DIP2C: variants seen among roughly 807,000 people sequenced by gnomAD.
DIP2C encodes the protein disco-interacting protein 2 homolog C.
In DIP2C, 33 loss-of-function variants were observed where a neutral mutation model predicts 192.4. The observed-to-expected ratio is 0.17, with a 90% CI of 0.13 to 0.23. DIP2C has a LOEUF of 0.23. DIP2C is among the 10% of genes least tolerant of loss of function. DIP2C has a pLI of 1.00. For synonymous variants in DIP2C, 979 were observed against 864.1 expected (o/e 1.13, Z -2.33); for missense variants, 1,537 against 2,110.1 (o/e 0.73, Z 5.32).
In DIP2C at chr10:660,926, C is replaced by T. The variant is rs375995433; in HGVS notation, c.85+28568G>A. 7.4e-4 allele frequency among the ~76,000 whole-genome samples: 112 copies of T among 152,274 alleles called. No homozygotes were observed. In the Middle Eastern group the frequency reaches 0.01, roughly 14 times the overall value. ...TAGCACATCACAAAAATACAGAGCTCCAAATGCCGTAACACAAGTGCTAAC... is the reference window on the plus strand; with the variant it reads ...TAGCACATCACAAAAATACAGAGCTTCAAATGCCGTAACACAAGTGCTAAC... On this transcript the variant is annotated intron_variant, in intron 1 of 36. Coordinates refer to ENST00000280886, the MANE Select transcript of DIP2C (RefSeq NM_014974.3).
intron 31 of DIP2C, among the ~76,000 whole-genome samples, chr10:325,585 C>G (rs1215139903): frequency 6.6e-6 from 1 of 152,188 alleles, no homozygotes; most frequent in Non-Finnish European, 1.5e-5. Flanking sequence ...CACACTATTG[C>G]TGAACTTAAG....
chr10:588,513 G>A lies in DIP2C; in HGVS notation c.85+100981C>T, dbSNP rs183367416. On this transcript the variant is annotated intron_variant, in intron 1 of 36. Coordinates refer to ENST00000280886, the MANE Select transcript of DIP2C (RefSeq NM_014974.3). ...GGAAAGTTCAACCGAATCTGAGGTC[G>A]CAGCTGCCTGCGGCTTGGGTCCCTG... Among the ~76,000 whole-genome samples, 516 of 152,356 alleles carry A rather than the reference G, an allele frequency of 3.4e-3. 9 individuals are homozygous for A. Among genetic ancestry groups the A allele is most frequent in the East Asian group, 0.019 (96 of 5,188 alleles).
chr10:334,288 C>T (rs1957641894), intron 29 of DIP2C, among the ~76,000 whole-genome samples: 1 of 99,134 alleles, frequency 1.0e-5, no homozygotes, highest in African/African-American at 4.1e-5. Context: ...GCCCGGGTGA[C>T]AGAGCAAGAC....
At chr10:450,625 C>G (rs1460339065) in intron 3 of DIP2C, among the ~76,000 whole-genome samples, 2 of 152,198 alleles carry the variant, frequency 1.3e-5, no homozygotes, top group Non-Finnish European at 2.9e-5. Flanking sequence ...GCAAGAGAGA[C>G]AGAGCTCCAC....
intron 1 of DIP2C, among the ~76,000 whole-genome samples, chr10:495,133 C>T (rs545769367): frequency 2.0e-5 from 3 of 152,118 alleles, no homozygotes; most frequent in Admixed American, 2.0e-4. Flanking sequence ...CACAGAAATA[C>T]AAATACTGCA....
In DIP2C at chr10:382,697, G is replaced by A. The variant is rs774439204; in HGVS notation, c.1941C>T (p.Val647=). The change falls in exon 17 of 37, where the codon GTC becomes GTT. Residue 647 remains valine, a synonymous_variant. Transcript: ENST00000280886. Reference sequence around the variant, plus strand: ...CTGGCGAGCTGGCACAAGGACAGATGACCTCCTGTCGAAGGCCTTTACTTT... The same window carrying A: ...CTGGCGAGCTGGCACAAGGACAGATAACCTCCTGTCGAAGGCCTTTACTTT... ...VFQSKGLRQE[V]ICPCASSPEA... The A allele has an allele frequency of 6.2e-7, 1 of 1,614,000 alleles. No individual in the cohort carries two copies. Among genetic ancestry groups the A allele is most frequent in the Non-Finnish European group, 8.5e-7 (1 of 1,179,968 alleles).
chr10:609,551 ATG>A (rs1491470677), intron 1 of DIP2C, among the ~76,000 whole-genome samples: 22 of 152,224 alleles, frequency 1.4e-4, no homozygotes, highest in African/African-American at 4.3e-4. Context: ...TTAAAAAACA[ATG>A]TAAGTCATCT....
intron 26 of DIP2C, 121 bp from the exon 27 acceptor site, chr10:345,231 G>T (rs893103626): frequency 3.0e-6 from 3 of 1,001,878 alleles, no homozygotes; most frequent in African/African-American, 1.6e-5. Context: ...GGGCAGATGA[G>T]GTTACCGAGC....
At chr10:654,200 G>A (rs1856135026) in intron 1 of DIP2C, among the ~76,000 whole-genome samples, 1 of 152,196 alleles carries the variant, frequency 6.6e-6, no homozygotes, top group Non-Finnish European at 1.5e-5. Flanking sequence ...TGGTAGTGAC[G>A]CTTTCATTCT....
Position 662,697 on chromosome 10 carries a change from G to A in DIP2C, c.85+26797C>T, listed in dbSNP as rs1856833214. ...TTAAAATTGTTATCAAATTAGGTATGGGCAGAAAATATATACAATGTTTGA... is the reference window on the plus strand; with the variant it reads ...TTAAAATTGTTATCAAATTAGGTATAGGCAGAAAATATATACAATGTTTGA... On this transcript the variant is annotated intron_variant, in intron 1 of 36. Coordinates refer to ENST00000280886, the MANE Select transcript of DIP2C (RefSeq NM_014974.3). The A allele has an allele frequency of 5.4e-6, 3 of 556,758 alleles. No homozygotes were observed. In the African/African-American group the frequency reaches 5.7e-5, roughly 11 times the overall value. 34.5% of individuals were successfully genotyped at this position (556,758 alleles called of 1,614,324 possible).
rs1215056306 is a variant in DIP2C at position 390,283 on chromosome 10, T to A, written c.1475A>T (p.Asn492Ile). 1.2e-6 allele frequency: 2 copies of A among 1,613,826 alleles called. No homozygotes were observed. The highest frequency in any genetic ancestry group is 1.7e-6 in the Non-Finnish European group (2 of 1,180,000). ...DWFPHIKDAN[N>I]DTAYIEYKTC... ...ACTCACCTCAATATACGCAGTGTCG[T>A]TATTGGCATCTTTAATGTGTGGGAA... The change falls in exon 12 of 37, where the codon AAC becomes ATC. Residue 492 changes from asparagine (N) to isoleucine (I), a missense_variant. Coordinates refer to ENST00000280886, the MANE Select transcript of DIP2C (RefSeq NM_014974.3).
intron 29 of DIP2C, among the ~76,000 whole-genome samples, chr10:340,109 A>C (rs930855368): frequency 1.3e-5 from 2 of 151,988 alleles, no homozygotes; most frequent in African/African-American, 2.4e-5. Context: ...GGAACCCAGG[A>C]GGCAGAGGTT....
At chr10:317,184 G>A (rs533933889) in intron 31 of DIP2C, among the ~76,000 whole-genome samples, 48 of 152,356 alleles carry the variant, frequency 3.2e-4, no homozygotes, top group African/African-American at 9.4e-4. Context: ...GTGACAAACT[G>A]TCAGGAAATG....
At chr10:417,708 TCA>T (rs1564684925) in intron 6 of DIP2C, among the ~76,000 whole-genome samples, 4 of 86,040 alleles carry the variant, frequency 4.6e-5, no homozygotes, top group Non-Finnish European at 2.4e-5. Flanking sequence ...GCCTGTCGGC[TCA>T]AATAGGCCTC....
chr10:631,989 CA>C (rs1308472495), intron 1 of DIP2C, among the ~76,000 whole-genome samples: 1 of 152,162 alleles, frequency 6.6e-6, no homozygotes, highest in African/African-American at 2.4e-5. Context: ...TAAGCGTAAT[CA>C]AAGATTACTT....
At chr10:344,627 T>C (rs901033566) in intron 28 of DIP2C, among the ~76,000 whole-genome samples, 182 bp downstream of exon 28, 5 of 152,304 alleles carry the variant, frequency 3.3e-5, no homozygotes, top group African/African-American at 1.2e-4. Context: ...ACAGAATCAG[T>C]CAGCCTGGTT....
chr10:576,449 C>T (rs2131554937), intron 1 of DIP2C, among the ~76,000 whole-genome samples: 2 of 152,350 alleles, frequency 1.3e-5, no homozygotes, highest in Middle Eastern at 6.8e-3. Flanking sequence ...TATCTAAGCC[C>T]TGACTTGCCC....
At chr10:284,429 G>A (rs1954992010) in intron 34 of DIP2C, among the ~76,000 whole-genome samples, 1 of 152,206 alleles carries the variant, frequency 6.6e-6, no homozygotes, top group African/African-American at 2.4e-5. Context: ...TAAAAAAGGA[G>A]GAAATGCTGC....
At chr10:487,484 T>TC (rs1844096292) in intron 1 of DIP2C, among the ~76,000 whole-genome samples, 2 of 139,048 alleles carry the variant, frequency 1.4e-5, no homozygotes, top group South Asian at 4.6e-4. Flanking sequence ...GGTTCTCGTC[T>TC]CCCCCACGGA....
Sources: allele counts gnomAD v4.1 joint callset (sites outside exome capture counted in the v4.1 genomes callset), GRCh38; gene constraint gnomAD v4.1.1; transcripts MANE v1.5; gene names NCBI Gene and HGNC (gene_info 2026-07-23, HGNC 2026-07-21).